Variants in PTPRT observed in about 807,000 individuals in gnomAD.
PTPRT encodes receptor-type tyrosine-protein phosphatase T.
PTPRT carries 56 observed loss-of-function variants against 176.8 expected under a neutral mutation model. That is an observed-to-expected ratio of 0.32 (90% CI 0.26 to 0.40). The LOEUF is 0.40. Among genes scored for constraint, PTPRT ranks in the 10% least tolerant of loss-of-function variants. The probability of loss-of-function intolerance (pLI) is 1.00; values close to 1 mark genes in which losing one functional copy is unlikely to be tolerated. For missense variants in PTPRT, 1,540 were observed against 1,908.2 expected (o/e 0.81, Z 3.60); for synonymous variants, 783 against 739.0 (o/e 1.06, Z -0.96).
rs374591088 is a variant in PTPRT at position 42,162,045 on chromosome 20, T to C, written c.2492-503A>G. On this transcript the variant is annotated intron_variant, in intron 16 of 30. Transcript: ENST00000373187. ...TGACCTGGCTTCTCTACTATTTTTTTTTCCTTTGAGTTTTACCCTGGGAAG... is the reference window on the plus strand; with the variant it reads ...TGACCTGGCTTCTCTACTATTTTTTCTTCCTTTGAGTTTTACCCTGGGAAG... Among the ~76,000 whole-genome samples the C allele has an allele frequency of 4.6e-5, 7 of 152,332 alleles. 1 individual carries two copies. The highest frequency in any genetic ancestry group is 3.9e-4 in the East Asian group (2 of 5,174).
intron 16 of PTPRT, among the ~76,000 whole-genome samples, chr20:42,185,882 G>C (rs1990760624): frequency 6.6e-6 from 1 of 151,924 alleles, no homozygotes; most frequent in East Asian, 1.9e-4. Flanking sequence ...CTAACAGAGG[G>C]GTCAGGCACT....
chr20:43,060,816 G>T (rs1441333137), intron 1 of PTPRT, among the ~76,000 whole-genome samples: 1 of 152,148 alleles, frequency 6.6e-6, no homozygotes, highest in Non-Finnish European at 1.5e-5. Context: ...TGCCTAGTAA[G>T]AATTAGACTT....
intron 6 of PTPRT, among the ~76,000 whole-genome samples, chr20:42,740,993 G>A (rs1283103887): frequency 6.6e-6 from 1 of 152,214 alleles, no homozygotes; most frequent in Non-Finnish European, 1.5e-5. Flanking sequence ...GTGTGCATGT[G>A]CATGTGCATG....
chr20:43,099,507 A>G (rs2012306299), intron 1 of PTPRT, among the ~76,000 whole-genome samples: 1 of 152,164 alleles, frequency 6.6e-6, no homozygotes, highest in Admixed American at 6.5e-5. Flanking sequence ...AGGTGTCAGA[A>G]AGGTACATTG....
chr20:43,121,329 G>A (rs888704208), intron 1 of PTPRT, among the ~76,000 whole-genome samples: 1 of 152,166 alleles, frequency 6.6e-6, no homozygotes, highest in African/African-American at 2.4e-5. Context: ...ATGCCCATGA[G>A]TAAATATGTT....
At chr20:42,597,366 T>C (rs2073689222) in intron 7 of PTPRT, among the ~76,000 whole-genome samples, 1 of 152,178 alleles carries the variant, frequency 6.6e-6, no homozygotes, top group Non-Finnish European at 1.5e-5. Flanking sequence ...TTGACACCCA[T>C]TGCCTTTGCC....
chr20:42,526,686 C>A (rs1313091566), intron 7 of PTPRT, among the ~76,000 whole-genome samples: 1 of 151,840 alleles, frequency 6.6e-6, no homozygotes, highest in Non-Finnish European at 1.5e-5. Flanking sequence ...TGTGTAGAAT[C>A]TGTTCTGGTA....
intron 26 of PTPRT, among the ~76,000 whole-genome samples, chr20:42,098,801 T>G (rs1985559474): frequency 6.6e-6 from 1 of 152,190 alleles, no homozygotes. Context: ...AAATAAATTA[T>G]TTATGCCTCG....
At chr20:42,843,672 G>C (rs2078318321) in intron 2 of PTPRT, among the ~76,000 whole-genome samples, 1 of 152,242 alleles carries the variant, frequency 6.6e-6, no homozygotes, top group Non-Finnish European at 1.5e-5. Context: ...GGTATACAAA[G>C]AACAGGGGCC....
At chr20:42,717,557 AT>A in intron 6 of PTPRT, among the ~76,000 whole-genome samples, 1 of 152,170 alleles carries the variant, frequency 6.6e-6, no homozygotes, top group Non-Finnish European at 1.5e-5. Context: ...ATGTAGAGTA[AT>A]AGAAATTCTA....
chr20:42,849,355 C>A (rs1036310318), intron 2 of PTPRT, among the ~76,000 whole-genome samples: 5 of 152,224 alleles, frequency 3.3e-5, no homozygotes, highest in African/African-American at 1.2e-4. Context: ...TTCCATTGTT[C>A]TTTCACAGAA....
At chr20:42,871,046 G>A (rs1162711978) in intron 2 of PTPRT, among the ~76,000 whole-genome samples, 1 of 151,678 alleles carries the variant, frequency 6.6e-6, no homozygotes, top group East Asian at 1.9e-4. Context: ...CACCTCCCGG[G>A]TTCAAGTAAT....
chr20:42,345,635 G>T (rs576575940), intron 11 of PTPRT, among the ~76,000 whole-genome samples: 7 of 147,648 alleles, frequency 4.7e-5, no homozygotes, highest in Non-Finnish European at 1.0e-4. Context: ...TATGTATGAT[G>T]CCAGACACTA....
In PTPRT at chr20:42,538,632, C is replaced by T. The variant is rs142386901; in HGVS notation, c.1154-66070G>A. Among the ~76,000 whole-genome samples, 696 of 152,274 alleles carry T rather than the reference C, an allele frequency of 4.6e-3. 4 individuals are homozygous for T. The highest frequency in any genetic ancestry group is 0.016 in the African/African-American group (664 of 41,560). ...TATACCAAAATTGGGAACATCATTGCTCAGTACAGAGACAGTGAGACAACT... is the reference window on the plus strand; with the variant it reads ...TATACCAAAATTGGGAACATCATTGTTCAGTACAGAGACAGTGAGACAACT... On this transcript the variant is annotated intron_variant, in intron 7 of 30. Transcript: ENST00000373187.
intron 7 of PTPRT, among the ~76,000 whole-genome samples, chr20:42,539,904 C>A (rs757029123): frequency 3.3e-5 from 5 of 151,800 alleles, no homozygotes; most frequent in African/African-American, 1.2e-4. Flanking sequence ...GTGGGTATTA[C>A]AGAACCAATC....
At chr20:43,167,245 A>C (rs2014880880) in intron 1 of PTPRT, among the ~76,000 whole-genome samples, 1 of 152,246 alleles carries the variant, frequency 6.6e-6, no homozygotes, top group Non-Finnish European at 1.5e-5. Flanking sequence ...GACATACAGC[A>C]ACAAAGAAAG....
At chr20:42,728,100 T>C (rs1206101795) in intron 6 of PTPRT, among the ~76,000 whole-genome samples, 1 of 152,228 alleles carries the variant, frequency 6.6e-6, no homozygotes, top group Non-Finnish European at 1.5e-5. Flanking sequence ...TTGCCCATTA[T>C]GTTTGCTCTC....
intron 8 of PTPRT, among the ~76,000 whole-genome samples, chr20:42,463,041 C>T (rs1157996186): frequency 1.3e-5 from 2 of 152,174 alleles, no homozygotes; most frequent in Non-Finnish European, 2.9e-5. Context: ...GGCTAAAAGG[C>T]TGTCATCGCA....
chr20:42,087,313 C>T (rs1326854912), intron 27 of PTPRT, among the ~76,000 whole-genome samples: 1 of 152,092 alleles, frequency 6.6e-6, no homozygotes, highest in African/African-American at 2.4e-5. Context: ...TTGCTGCAAC[C>T]TCTGCCTCCC....
Sources: allele counts gnomAD v4.1 joint callset (sites outside exome capture counted in the v4.1 genomes callset), GRCh38; gene constraint gnomAD v4.1.1; transcripts MANE v1.5; gene names NCBI Gene and HGNC (gene_info 2026-07-23, HGNC 2026-07-21).